ST6GALNAC5: variants seen among roughly 807,000 people sequenced by gnomAD.
ST6GALNAC5 encodes alpha-N-acetylgalactosaminide alpha-2,6-sialyltransferase 5.
A neutral mutation model predicts 33.6 loss-of-function variants in ST6GALNAC5; 27 were observed. The ratio of observed to expected loss-of-function variants is 0.80; its 90% CI spans 0.59 to 1.11. The LOEUF (loss-of-function observed/expected upper bound fraction) is 1.11. Among genes scored for constraint, ST6GALNAC5 ranks in the 50% least tolerant of loss-of-function variants. The pLI, the probability that ST6GALNAC5 is intolerant of heterozygous loss-of-function variation, is 0.00. For synonymous variants in ST6GALNAC5, 194 were observed against 171.2 expected, an observed-to-expected ratio of 1.13 and a Z score of -1.04; for missense variants, 428 against 454.0, an observed-to-expected ratio of 0.94 and a Z score of 0.52.
intron 2 of ST6GALNAC5, among the ~76,000 whole-genome samples, chr1:76,974,062 C>T (rs923735653): frequency 2.0e-5 from 3 of 152,044 alleles, no homozygotes; most frequent in African/African-American, 7.2e-5. Context: ...AATTTTATTA[C>T]ACTAAAATGC....
At chr1:77,050,974 A>AT (rs922401271) in intron 4 of ST6GALNAC5, among the ~76,000 whole-genome samples, 7 of 152,204 alleles carry the variant, frequency 4.6e-5, no homozygotes, top group Non-Finnish European at 1.5e-5. Flanking sequence ...TCAGGGCCTG[A>AT]TTTTTGGAAG....
At chr1:76,894,826 T>C (rs573674195) in intron 2 of ST6GALNAC5, among the ~76,000 whole-genome samples, 14 of 152,266 alleles carry the variant, frequency 9.2e-5, no homozygotes, top group African/African-American at 3.1e-4. Context: ...CTCGCGTCCA[T>C]GTGAAGAGAC....
intron 2 of ST6GALNAC5, among the ~76,000 whole-genome samples, chr1:76,918,025 A>G (rs950761250): frequency 1.3e-5 from 2 of 152,176 alleles, no homozygotes; most frequent in Non-Finnish European, 1.5e-5. Flanking sequence ...AACACCCAGA[A>G]TAATGTTTGA....
rs370560110 is a variant in ST6GALNAC5, at chr1:77,003,420, A to G, written c.262-40784A>G. 1.1e-4 allele frequency among the ~76,000 whole-genome samples: 16 copies of G among 150,512 alleles called. No homozygotes were observed. In the East Asian group the frequency reaches 2.0e-3, roughly 19 times the overall value. Reference sequence around the variant, plus strand: ...GAGATGGGTTTCCTGAATACAGCACACTGATGGCTCTTGACTCTTTATCCA... The same window carrying G: ...GAGATGGGTTTCCTGAATACAGCACGCTGATGGCTCTTGACTCTTTATCCA... On this transcript the variant is annotated intron_variant, in intron 2 of 4. Coordinates refer to ENST00000477717, the MANE Select transcript of ST6GALNAC5 (RefSeq NM_030965.3).
At chr1:77,032,714 C>G (rs1352260702) in intron 2 of ST6GALNAC5, among the ~76,000 whole-genome samples, 6 of 152,164 alleles carry the variant, frequency 3.9e-5, no homozygotes, top group South Asian at 2.1e-4. Context: ...AGCCAGTGCT[C>G]TCTCCACTCT....
intron 2 of ST6GALNAC5, among the ~76,000 whole-genome samples, chr1:76,938,105 GA>G: frequency 6.6e-6 from 1 of 152,052 alleles, no homozygotes; most frequent in East Asian, 1.9e-4. Context: ...GATAATTTCA[GA>G]GTAGAGTTGT....
intron 2 of ST6GALNAC5, among the ~76,000 whole-genome samples, chr1:76,988,940 A>G (rs1649615912): frequency 6.6e-6 from 1 of 152,182 alleles, no homozygotes. Flanking sequence ...TTATACTTCA[A>G]GAAGAGTTTG....
At chr1:77,002,092 A>G (rs915490095) in intron 2 of ST6GALNAC5, among the ~76,000 whole-genome samples, 1 of 152,098 alleles carries the variant, frequency 6.6e-6, no homozygotes, top group Non-Finnish European at 1.5e-5. Context: ...TACCTCTGGT[A>G]GAATTCGGCT....
intron 2 of ST6GALNAC5, among the ~76,000 whole-genome samples, chr1:77,030,131 C>T (rs1054014767): frequency 3.9e-5 from 6 of 152,162 alleles, no homozygotes; most frequent in African/African-American, 1.2e-4. Context: ...TCTCTGCTTT[C>T]TGATTTCTCC....
At chr1:77,018,525 G>A (rs1476712030) in intron 2 of ST6GALNAC5, among the ~76,000 whole-genome samples, 1 of 152,154 alleles carries the variant, frequency 6.6e-6, no homozygotes, top group Non-Finnish European at 1.5e-5. Context: ...GCCAGGAGGA[G>A]GCAGATCACC....
At chr1:76,898,628 C>T (rs116409540) in intron 2 of ST6GALNAC5, among the ~76,000 whole-genome samples, 2,770 of 152,158 alleles carry the variant, frequency 0.018, 85 homozygotes, top group African/African-American at 0.062. Flanking sequence ...ACAGCCTAAA[C>T]GCTACTGATT....
At chr1:77,056,693 C>A (rs1652411822) in intron 4 of ST6GALNAC5, among the ~76,000 whole-genome samples, 1 of 152,070 alleles carries the variant, frequency 6.6e-6, no homozygotes, top group African/African-American at 2.4e-5. Flanking sequence ...GCAATGCCGC[C>A]CATGTGGTTT....
chr1:76,971,424 A>G (rs4949758), intron 2 of ST6GALNAC5, among the ~76,000 whole-genome samples: 14,147 of 152,066 alleles, frequency 0.093, 1,535 homozygotes, highest in African/African-American at 0.26. Context: ...TGAGTGAGAA[A>G]CCACTAAATA....
intron 4 of ST6GALNAC5, among the ~76,000 whole-genome samples, chr1:77,061,227 C>T (rs1570151453): frequency 6.6e-6 from 1 of 152,244 alleles, no homozygotes; most frequent in East Asian, 1.9e-4. Context: ...GCATAGCATC[C>T]AAACCAGGAT....
intron 2 of ST6GALNAC5, among the ~76,000 whole-genome samples, chr1:76,999,611 G>C (rs1318543195): frequency 1.3e-5 from 2 of 150,944 alleles, no homozygotes; most frequent in Admixed American, 1.3e-4. Context: ...TCTAGCATTA[G>C]GTATATCTCC....
intron 2 of ST6GALNAC5, among the ~76,000 whole-genome samples, chr1:76,874,435 T>TTA (rs1450849493): frequency 6.6e-6 from 1 of 152,100 alleles, no homozygotes; most frequent in East Asian, 1.9e-4. Flanking sequence ...GGATATTATA[T>TTA]TATATATATG....
At chr1:76,936,124 T>C (rs1647200489) in intron 2 of ST6GALNAC5, among the ~76,000 whole-genome samples, 1 of 152,052 alleles carries the variant, frequency 6.6e-6, no homozygotes, top group African/African-American at 2.4e-5. Context: ...CAAAAGAAGT[T>C]TGCTAACATA....
intron 2 of ST6GALNAC5, among the ~76,000 whole-genome samples, chr1:76,949,003 A>G (rs779611888): frequency 6.6e-6 from 1 of 152,136 alleles, no homozygotes; most frequent in Non-Finnish European, 1.5e-5. Context: ...CTTCTCTCAA[A>G]GAGCTTGTGG....
In ST6GALNAC5 at chr1:76,867,586, T is replaced by A; in HGVS notation, c.-90T>A. 3.1e-6 allele frequency: 5 copies of A among 1,606,194 alleles called. No homozygotes were observed. Among genetic ancestry groups the A allele is most frequent in the Non-Finnish European group, 1.7e-6 (2 of 1,173,088 alleles). On this transcript the variant is annotated 5_prime_UTR_variant, in exon 1 of 5. Transcript: ENST00000477717. ...CTGCTGGGCAAAAATCAGAGCCGCC[T>A]CCGCCCCATTACCCATCATGGAAAC... is the stretch of plus-strand genomic sequence containing the variant.
Sources: allele counts gnomAD v4.1 joint callset (sites outside exome capture counted in the v4.1 genomes callset), GRCh38; gene constraint gnomAD v4.1.1; transcripts MANE v1.5; gene names NCBI Gene and HGNC (gene_info 2026-07-23, HGNC 2026-07-21).